The following LIX1L variants were observed in gnomAD, a reference collection of about 807,000 sequenced individuals.
LIX1L encodes the protein LIX1-like protein.
Under a neutral mutation model 34.0 loss-of-function variants are expected in LIX1L, and 20 were observed. That is an observed-to-expected ratio of 0.59 (90% CI 0.41 to 0.85). LIX1L has a LOEUF of 0.85. Among genes scored for constraint, LIX1L ranks in the 40% least tolerant of loss-of-function variants. The pLI is 0.00. For synonymous variants in LIX1L, 170 were observed against 187.4 expected (o/e 0.91, Z 0.76); for missense variants, 397 against 447.0 (o/e 0.89, Z 1.01).
chr1:145,952,088 A>T (rs1649316404), intron 1 of LIX1L, among the ~76,000 whole-genome samples: 1 of 152,212 alleles, frequency 6.6e-6, no homozygotes, highest in African/African-American at 2.4e-5. Context: ...GCTGGCTAAG[A>T]AAGAACAGAA....
chr1:145,955,525 A>C (rs1331762318), intron 1 of LIX1L, among the ~76,000 whole-genome samples: 1 of 152,222 alleles, frequency 6.6e-6, no homozygotes, highest in East Asian at 1.9e-4. Context: ...AGGGGAATAC[A>C]GCCATTCCCC....
At chr1:145,951,449 C>T (rs1171205825) in intron 1 of LIX1L, among the ~76,000 whole-genome samples, 2 of 152,206 alleles carry the variant, frequency 1.3e-5, no homozygotes, top group African/African-American at 4.8e-5. Context: ...GCAGCATAAA[C>T]TCTTTTTAAT....
Position 145,957,947 on chromosome 1 carries a change from GC to G in LIX1L, c.-21del. On this transcript the variant is annotated 5_prime_UTR_variant, in exon 1 of 6. Transcript: ENST00000604000. ...CTCCATCCCGGCCGCCAATGGAGTAGCGCCCCGGAGCCTGCCAGCCTGCCGA... is the reference window on the plus strand; with the variant it reads ...CTCCATCCCGGCCGCCAATGGAGTAGGCCCCGGAGCCTGCCAGCCTGCCGA... The G allele has an allele frequency of 7.0e-7, 1 of 1,434,680 alleles. No individual in the cohort carries two copies. Among genetic ancestry groups the G allele is most frequent in the South Asian group, 1.4e-5 (1 of 71,184 alleles). The allele number at this position is 1,434,680 out of a possible 1,614,324, so 88.9% of individuals were successfully genotyped here.
In LIX1L at chr1:145,936,915, G is replaced by A. The variant is rs369978770; in HGVS notation, c.764C>T (p.Ser255Phe). 3 of 1,610,408 alleles carry A rather than the reference G, an allele frequency of 1.9e-6. No homozygotes were observed. The highest frequency in any genetic ancestry group is 2.7e-5 in the African/African-American group (2 of 74,818). The change falls in exon 5 of 6, where the codon TCT becomes TTT. Residue 255 changes from serine (S) to phenylalanine (F), a missense_variant. Ser to Phe is a radical substitution (Grantham distance 155). This residue lies in a region of LIX1L where 174 missense variants were observed against 204.0 expected (regional missense o/e 0.85). Transcript: ENST00000604000. ...ACTCATAAAATCTCTTACCTGCCGA[G>A]AGCATTGTCGTTCCCTCATGGCCTT... Reference protein sequence around the residue: ...SLKAMRERQCSRQEVLAHYSH... With the variant: ...SLKAMRERQCFRQEVLAHYSH...
chr1:145,953,347 A>G (rs1368718157), intron 1 of LIX1L, among the ~76,000 whole-genome samples: 1 of 152,216 alleles, frequency 6.6e-6, no homozygotes, highest in African/African-American at 2.4e-5. Context: ...TGTGGTGGGG[A>G]AGCAGGAATA....
rs1185896244 is a variant in LIX1L at position 145,936,223 on chromosome 1, A to G, written c.*87T>C. Reference sequence around the variant, plus strand: ...TATTTTTTAAAGTATAAAAATGAGAAAGTATGTACAAAAAATCATCCTAAA... The same window carrying G: ...TATTTTTTAAAGTATAAAAATGAGAGAGTATGTACAAAAAATCATCCTAAA... On this transcript the variant is annotated 3_prime_UTR_variant, in exon 6 of 6. Coordinates refer to ENST00000604000, the MANE Select transcript of LIX1L (RefSeq NM_153713.3). 6 of 1,418,338 alleles carry G rather than the reference A, an allele frequency of 4.2e-6. No homozygotes were observed. Among genetic ancestry groups the G allele is most frequent in the African/African-American group, 1.4e-5 (1 of 69,256 alleles). 87.9% of individuals were successfully genotyped at this position (1,418,338 alleles called of 1,614,324 possible). A position where few individuals can be genotyped will look rare whatever the true frequency, so the allele number is the denominator to read the frequency against.
rs781951927 is a variant in LIX1L, at chr1:145,936,556, G to C, written c.772-4C>G. 6.2e-7 allele frequency: 1 copy of C among 1,614,016 alleles called. No homozygotes were observed. The highest frequency in any genetic ancestry group is 8.5e-7 in the Non-Finnish European group (1 of 1,179,980). On this transcript the variant is annotated splice_region_variant and splice_polypyrimidine_tract_variant and intron_variant, in intron 5 of 5. Coordinates refer to ENST00000604000, the MANE Select transcript of LIX1L (RefSeq NM_153713.3). ...GCGAATAATGAGCCAACACCTCCTA[G>C]TAGGGGAGGGGAATGTGAACATCAT...
intron 1 of LIX1L, among the ~76,000 whole-genome samples, chr1:145,951,545 C>T (rs1649300186): frequency 6.6e-6 from 1 of 152,142 alleles, no homozygotes; most frequent in South Asian, 2.1e-4. Context: ...CCTCCTGAGG[C>T]TCTGTCATGG....
intron 1 of LIX1L, 28 bp downstream of exon 1, chr1:145,957,608 G>T: frequency 6.8e-7 from 1 of 1,480,712 alleles, no homozygotes. Flanking sequence ...AGAGGGTGTC[G>T]CGCAGGAGGC....
chr1:145,942,515 AAC>A (rs1648957233), intron 3 of LIX1L, among the ~76,000 whole-genome samples, 196 bp downstream of exon 3: 1 of 152,216 alleles, frequency 6.6e-6, no homozygotes, highest in Non-Finnish European at 1.5e-5. Flanking sequence ...AAAACACATA[AAC>A]ACAGATACAG....
chr1:145,937,752 C>T, intron 3 of LIX1L, 53 bp from the exon 4 acceptor site: 1 of 1,077,960 alleles, frequency 9.3e-7, no homozygotes, highest in Non-Finnish European at 1.4e-6. Flanking sequence ...GGATTATCAT[C>T]TCAAGCAGCA....
chr1:145,939,662 A>G (rs1365700242), intron 3 of LIX1L, among the ~76,000 whole-genome samples: 1 of 137,142 alleles, frequency 7.3e-6, no homozygotes, highest in Admixed American at 7.7e-5. Flanking sequence ...TTTTTGAGAC[A>G]GGGTCTCACT....
At position 145,957,833 on chromosome 1, in the gene LIX1L, G is replaced by C; in HGVS notation, c.95C>G (p.Ala32Gly). 7.1e-7 allele frequency: 1 copy of C among 1,404,706 alleles called. No homozygotes were observed. The highest frequency in any genetic ancestry group is 9.3e-7 in the Non-Finnish European group (1 of 1,080,594). 87.0% of individuals were successfully genotyped at this position (1,404,706 alleles called of 1,614,324 possible). A position where few individuals can be genotyped will look rare whatever the true frequency, so the allele number is the denominator to read the frequency against. The change falls in exon 1 of 6, where the codon GCG (alanine) becomes GGG (glycine). Residue 32 changes from alanine (A) to glycine (G), a missense_variant. Around this residue, in one of 3 missense-constraint regions of LIX1L, gnomAD observed 207 missense variants for 205.2 expected, o/e 1.01. Coordinates refer to ENST00000604000, the MANE Select transcript of LIX1L (RefSeq NM_153713.3). ...CGCAGGGGGTGTGGCGGTGGCGGCC[G>C]CGGCCCCAGTCACTCCGGGCCGCAG... ...RALRPGVTGAAAATATPPAGP... is the reference protein window; with the variant it reads ...RALRPGVTGAGAATATPPAGP...
In LIX1L at chr1:145,957,578, TG is replaced by T. The variant is rs1190224764; in HGVS notation, c.292+57del. 6.4e-6 allele frequency: 9 copies of T among 1,404,322 alleles called. No homozygotes were observed. In the South Asian group the frequency reaches 1.1e-4, roughly 17 times the overall value. 87.0% of individuals were successfully genotyped at this position (1,404,322 alleles called of 1,614,324 possible). On this transcript the variant is annotated intron_variant, in intron 1 of 5. Coordinates refer to ENST00000604000, the MANE Select transcript of LIX1L (RefSeq NM_153713.3). ...CCAGGAAAAGCGATCCGGAGGACTG[TG>T]GGAGCAAGGCTCCCTTACAGAGGGT... is the stretch of plus-strand genomic sequence containing the variant.
At chr1:145,937,894 A>G (rs1648723690) in intron 3 of LIX1L, among the ~76,000 whole-genome samples, 195 bp from the exon 4 acceptor site, 1 of 152,144 alleles carries the variant, frequency 6.6e-6, no homozygotes, top group African/African-American at 2.4e-5. Context: ...GTGGGAGGCC[A>G]AGGTGGGCAG....
chr1:145,941,030 T>G (rs995151413), intron 3 of LIX1L: 1 of 152,082 alleles, frequency 6.6e-6, no homozygotes, highest in Non-Finnish European at 1.5e-5. Flanking sequence ...AAGTAGCAAA[T>G]GTACTTTCCA....
chr1:145,957,589 C>T (rs1570976948), intron 1 of LIX1L, 47 bp downstream of exon 1: 2 of 1,429,048 alleles, frequency 1.4e-6, no homozygotes, highest in Non-Finnish European at 1.8e-6. Context: ...GGGAGCAAGG[C>T]TCCCTTACAG....
intron 1 of LIX1L, among the ~76,000 whole-genome samples, chr1:145,952,120 C>G (rs1649317205): frequency 2.6e-5 from 4 of 152,170 alleles, no homozygotes. Flanking sequence ...GGTCACATAG[C>G]TATGGCAGAG....
Position 145,957,996 on chromosome 1 carries a change from G to T in LIX1L, c.-69C>A. The T allele has an allele frequency of 8.8e-7, 1 of 1,130,682 alleles. No homozygotes were observed. Among genetic ancestry groups the T allele is most frequent in the Non-Finnish European group, 1.2e-6 (1 of 855,174 alleles). 70.0% of individuals were successfully genotyped at this position (1,130,682 alleles called of 1,614,324 possible). A position where few individuals can be genotyped will look rare whatever the true frequency, so the allele number is the denominator to read the frequency against. Reference sequence around the variant, plus strand: ...CGAGCTAACGGTCCCAACCACCCCAGTCAGCTAGCGCCTGGGGACTCAGGG... The same window carrying T: ...CGAGCTAACGGTCCCAACCACCCCATTCAGCTAGCGCCTGGGGACTCAGGG... On this transcript the variant is annotated 5_prime_UTR_variant, in exon 1 of 6. It adds an upstream start codon to the 5' untranslated region. Transcript: ENST00000604000.
Sources: allele counts gnomAD v4.1 joint callset (sites outside exome capture counted in the v4.1 genomes callset), GRCh38; gene constraint gnomAD v4.1.1; regional missense constraint gnomAD v4.1.1; transcripts MANE v1.5; gene names NCBI Gene and HGNC (gene_info 2026-07-23, HGNC 2026-07-21).